NFIB: variants seen among roughly 807,000 people sequenced by gnomAD.
NFIB encodes nuclear factor I B.
In NFIB, 11 loss-of-function variants were observed where a neutral mutation model predicts 61.5. The ratio of observed to expected loss-of-function variants is 0.18; its 90% CI spans 0.11 to 0.30. The LOEUF (loss-of-function observed/expected upper bound fraction) is 0.30. Among genes scored for constraint, NFIB ranks in the 10% least tolerant of loss-of-function variants. The pLI is 1.00. For missense variants in NFIB, 471 were observed against 608.9 expected, an observed-to-expected ratio of 0.77 and a Z score of 2.38; for synonymous variants, 260 against 216.5, an observed-to-expected ratio of 1.20 and a Z score of -1.76.
the NFIB span, among the ~76,000 whole-genome samples, chr9:14,493,417 C>G: frequency 6.6e-6 from 1 of 152,028 alleles, no homozygotes; most frequent in East Asian, 1.9e-4. Context: ...AAGGAAAAAG[C>G]ATTTTTCTCT....
chr9:14,118,535 G>T (rs2038466056), intron 8 of NFIB, among the ~76,000 whole-genome samples: 2 of 152,054 alleles, frequency 1.3e-5, no homozygotes, highest in South Asian at 4.1e-4. Context: ...AGGGTGAGAA[G>T]AATTGAGGGC....
intron 1 of NFIB, among the ~76,000 whole-genome samples, chr9:14,347,942 CG>C (rs2061052354): frequency 6.6e-6 from 1 of 152,306 alleles, no homozygotes; most frequent in Non-Finnish European, 1.5e-5. Context: ...GCGTCGCACG[CG>C]GTGTCTGGTC....
chr9:14,243,382 C>G (rs1433928178), intron 2 of NFIB, among the ~76,000 whole-genome samples: 1 of 152,102 alleles, frequency 6.6e-6, no homozygotes, highest in Non-Finnish European at 1.5e-5. Context: ...GCATGTGATT[C>G]CAAAACAAAT....
intron 1 of NFIB, among the ~76,000 whole-genome samples, chr9:14,341,478 G>A (rs775976154): frequency 2.0e-5 from 3 of 152,162 alleles, no homozygotes; most frequent in Non-Finnish European, 4.4e-5. Context: ...AAAACAGGTA[G>A]GTAGTAAGAC....
At chr9:14,431,013 G>T in the NFIB span, among the ~76,000 whole-genome samples, 1 of 152,168 alleles carries the variant, frequency 6.6e-6, no homozygotes, top group African/African-American at 2.4e-5. Context: ...AAATAATGGG[G>T]CCTTTGAGAT....
At chr9:14,492,446 G>C in the NFIB span, among the ~76,000 whole-genome samples, 9 of 152,146 alleles carry the variant, frequency 5.9e-5, no homozygotes, top group South Asian at 1.9e-3. Context: ...TTGGCTCACA[G>C]TTCTGCAGTT....
chr9:14,277,169 A>T (rs2058057264), intron 2 of NFIB, among the ~76,000 whole-genome samples: 1 of 152,174 alleles, frequency 6.6e-6, no homozygotes, highest in Non-Finnish European at 1.5e-5. Context: ...AATAAAAGAG[A>T]AAGTAACTGC....
chr9:14,100,455 T>A (rs754155565), intron 10 of NFIB, among the ~76,000 whole-genome samples: 1 of 152,190 alleles, frequency 6.6e-6, no homozygotes, highest in Non-Finnish European at 1.5e-5. Flanking sequence ...ACGCCTGTAA[T>A]CCCAGCACTT....
the NFIB span, among the ~76,000 whole-genome samples, chr9:14,421,990 G>A: frequency 2.0e-5 from 3 of 151,902 alleles, no homozygotes; most frequent in African/African-American, 7.3e-5. Context: ...CAGACCAAAA[G>A]TTTCTCTTAT....
At chr9:14,144,677 C>T (rs2042101184) in intron 6 of NFIB, among the ~76,000 whole-genome samples, 1 of 152,142 alleles carries the variant, frequency 6.6e-6, no homozygotes, top group South Asian at 2.1e-4. Context: ...CCATAAATAG[C>T]TATATGATTA....
chr9:14,413,461 A>T, the NFIB span, among the ~76,000 whole-genome samples: 2 of 152,080 alleles, frequency 1.3e-5, no homozygotes, highest in Non-Finnish European at 2.9e-5. Context: ...TTGATTTCAG[A>T]TCCCTTATTG....
chr9:14,280,465 AC>A (rs2058297497), intron 2 of NFIB, among the ~76,000 whole-genome samples: 1 of 152,146 alleles, frequency 6.6e-6, no homozygotes, highest in Admixed American at 6.5e-5. Flanking sequence ...TTTTTTAAAT[AC>A]CTCAATCTTC....
chr9:14,253,732 G>A (rs1430597221), intron 2 of NFIB, among the ~76,000 whole-genome samples: 1 of 152,244 alleles, frequency 6.6e-6, no homozygotes, highest in Middle Eastern at 3.4e-3. Flanking sequence ...ATACTCTTTT[G>A]AGACTACGTA....
chr9:14,139,215 C>G (rs2041417913), intron 6 of NFIB, among the ~76,000 whole-genome samples: 1 of 152,168 alleles, frequency 6.6e-6, no homozygotes, highest in Admixed American at 6.6e-5. Flanking sequence ...AGGACAGCCT[C>G]TCTGATCCTT....
At chr9:14,293,468 T>C (rs1563982976) in intron 2 of NFIB, among the ~76,000 whole-genome samples, 1 of 152,110 alleles carries the variant, frequency 6.6e-6, no homozygotes, top group African/African-American at 2.4e-5. Context: ...AACTCAACAA[T>C]AATAAAGAAG....
In NFIB at chr9:14,313,935, T is replaced by G; in HGVS notation, c.-424A>C. ...TGGTGGTTGGTGGTAAAATGCTTTT[T>G]CAAAAAAGGCGGGGAGGGGGGCGCG... On this transcript the variant is annotated 5_prime_UTR_variant, in exon 1 of 11. Transcript: ENST00000380953. This position sits in a 1 kb window ranked among gnomAD's most constrained non-coding sequence, Gnocchi z 4.5. 1 of 916,062 alleles carries G rather than the reference T, an allele frequency of 1.1e-6. No homozygotes were observed. Among genetic ancestry groups the G allele is most frequent in the Non-Finnish European group, 1.2e-6 (1 of 807,120 alleles). 56.7% of individuals were successfully genotyped at this position (916,062 alleles called of 1,614,324 possible). A position where few individuals can be genotyped will look rare whatever the true frequency, so the allele number is the denominator to read the frequency against.
chr9:14,193,759 C>T (rs2048199489), intron 2 of NFIB, among the ~76,000 whole-genome samples: 1 of 152,080 alleles, frequency 6.6e-6, no homozygotes, highest in African/African-American at 2.4e-5. Flanking sequence ...CAAACAGTAC[C>T]AATATACTTA....
chr9:14,314,106 C>T lies in NFIB; in HGVS notation c.-595G>A, dbSNP rs1227394539. ...CAGGCGAAACTTTGCCGCGAGCCGA[C>T]CATGTGTGTGCGCGAGGGGCAGCGT... On this transcript the variant is annotated 5_prime_UTR_variant, in exon 1 of 11. Coordinates refer to ENST00000380953, the MANE Select transcript of NFIB (RefSeq NM_001190737.2). 1.8e-5 allele frequency: 18 copies of T among 1,028,402 alleles called. No individual in the cohort carries two copies. The East Asian group carries it at 6.7e-4, about 38-fold the overall frequency. The allele number at this position is 1,028,402 out of a possible 1,614,324, so 63.7% of individuals were successfully genotyped here. A position where few individuals can be genotyped will look rare whatever the true frequency, so the allele number is the denominator to read the frequency against.
At chr9:14,500,103 G>C in the NFIB span, among the ~76,000 whole-genome samples, 13 of 152,094 alleles carry the variant, frequency 8.5e-5, no homozygotes, top group South Asian at 8.3e-4. Flanking sequence ...CAGTCACACT[G>C]GTCTGCTTTA....
Sources: allele counts gnomAD v4.1 joint callset (sites outside exome capture counted in the v4.1 genomes callset), GRCh38; gene constraint gnomAD v4.1.1; non-coding constraint Gnocchi (gnomAD v3.1); transcripts MANE v1.5; gene names NCBI Gene and HGNC (gene_info 2026-07-23, HGNC 2026-07-21).